The following RCN2 variants were observed in gnomAD, a reference collection of about 807,000 sequenced individuals.
RCN2 encodes the protein reticulocalbin 2, also known as reticulocalbin-2.
A neutral mutation model predicts 37.5 loss-of-function variants in RCN2; 23 were observed. That is an observed-to-expected ratio of 0.61 (90% CI 0.44 to 0.87). RCN2 has a LOEUF of 0.87. Among genes scored for constraint, RCN2 ranks in the 40% least tolerant of loss-of-function variants. RCN2 has a pLI of 0.00. For missense variants in RCN2, 381 were observed against 390.4 expected, an observed-to-expected ratio of 0.98 and a Z score of 0.20; for synonymous variants, 140 against 144.6, an observed-to-expected ratio of 0.97 and a Z score of 0.23.
At chr15:76,938,626 GCTTT>G (rs1234739850) in intron 3 of RCN2, 4 of 423,276 alleles carry the variant, frequency 9.5e-6, no homozygotes, top group Admixed American at 2.4e-5. Context: ...CTTGGTAAAT[GCTTT>G]CTAAGTGTGC....
Position 76,951,294 on chromosome 15 carries a change from G to A in RCN2, c.*2072G>A, listed in dbSNP as rs1596008822. ...TTAAACATGGGTGGAAGTAGTGTGT[G>A]TCACTATCAGACTATCTCATGACAA... is the stretch of plus-strand genomic sequence containing the variant. On this transcript the variant is annotated 3_prime_UTR_variant, in exon 7 of 7. Transcript: ENST00000394885. 6.6e-6 allele frequency: 1 copy of A among 152,232 alleles called. No individual in the cohort carries two copies. Among genetic ancestry groups the A allele is most frequent in the Non-Finnish European group, 1.5e-5 (1 of 68,054 alleles). The allele number at this position is 152,232 out of a possible 1,614,324, so 9.4% of individuals were successfully genotyped here.
At chr15:76,945,133 C>T (rs541561842) in intron 4 of RCN2, among the ~76,000 whole-genome samples, 3 of 152,258 alleles carry the variant, frequency 2.0e-5, no homozygotes, top group African/African-American at 2.4e-5. Context: ...CTTGTGGTGA[C>T]GAAGTTGCTT....
intron 6 of RCN2, 88 bp downstream of exon 6, chr15:76,948,640 C>A: frequency 1.5e-6 from 2 of 1,306,792 alleles, no homozygotes; most frequent in Non-Finnish European, 2.1e-6. Context: ...AATCTTAAGC[C>A]AAAGAAAGAA....
intron 3 of RCN2, chr15:76,941,866 T>C (rs1203422975): frequency 2.3e-6 from 1 of 426,600 alleles, no homozygotes; most frequent in African/African-American, 2.0e-5. Flanking sequence ...ACCTTTTTGC[T>C]CCAAAGTGAA....
chr15:76,952,306 T>C lies in RCN2; in HGVS notation c.*3084T>C, dbSNP rs1345458855. 6.6e-6 allele frequency: 1 copy of C among 152,194 alleles called. No homozygotes were observed. The highest frequency in any genetic ancestry group is 1.5e-5 in the Non-Finnish European group (1 of 68,032). 9.4% of individuals were successfully genotyped at this position (152,194 alleles called of 1,614,324 possible). On this transcript the variant is annotated 3_prime_UTR_variant, in exon 7 of 7. Transcript: ENST00000394885. ...AATGTATAATTACATATTCCCACCATTGTAGTGTGGTAGAATATTTCCCTT... is the reference window on the plus strand; with the variant it reads ...AATGTATAATTACATATTCCCACCACTGTAGTGTGGTAGAATATTTCCCTT...
At chr15:76,943,528 C>A in intron 3 of RCN2, 1 of 372,052 alleles carries the variant, frequency 2.7e-6, no homozygotes, top group Non-Finnish European at 4.9e-6. Flanking sequence ...GCGCTGACAC[C>A]ACAGCTAGTA....
chr15:76,948,988 T>C (rs1306735090), intron 6 of RCN2, 82 bp from the exon 7 acceptor site: 2 of 1,287,888 alleles, frequency 1.6e-6, no homozygotes, highest in African/African-American at 1.5e-5. Flanking sequence ...TGGATGATTT[T>C]GACAAGTCAA....
intron 4 of RCN2, among the ~76,000 whole-genome samples, chr15:76,945,893 T>A (rs1351629303): frequency 6.6e-6 from 1 of 152,194 alleles, no homozygotes; most frequent in Non-Finnish European, 1.5e-5. Flanking sequence ...CAGTGCTGGG[T>A]GTAATTTAAG....
At chr15:76,944,339 C>T (rs975826251) in intron 4 of RCN2, among the ~76,000 whole-genome samples, 3 of 152,056 alleles carry the variant, frequency 2.0e-5, no homozygotes, top group African/African-American at 7.2e-5. Flanking sequence ...AATGAGGTAT[C>T]CATCCCCTCG....
chr15:76,948,916 C>A (rs150395007), intron 6 of RCN2, 154 bp from the exon 7 acceptor site: 10 of 703,660 alleles, frequency 1.4e-5, no homozygotes, highest in Non-Finnish European at 1.9e-5. Flanking sequence ...AAGCAGTAGA[C>A]GGACCTGGTT....
In RCN2 at chr15:76,952,692, C is replaced by G. The variant is rs2075326938; in HGVS notation, c.*3470C>G. On this transcript the variant is annotated 3_prime_UTR_variant, in exon 7 of 7. Transcript: ENST00000394885. ...CTGGAGTGCAATGGCATGATTTCGG[C>G]TCACTGCAACCTCTGTCTCTTGGGG... The G allele has an allele frequency of 6.6e-6, 1 of 152,352 alleles. No individual in the cohort carries two copies. The highest frequency in any genetic ancestry group is 2.1e-4 in the South Asian group (1 of 4,832). 9.4% of individuals were successfully genotyped at this position (152,352 alleles called of 1,614,324 possible).
chr15:76,944,658 T>C (rs2075290341), intron 4 of RCN2, among the ~76,000 whole-genome samples: 2 of 152,236 alleles, frequency 1.3e-5, no homozygotes, highest in Non-Finnish European at 1.5e-5. Flanking sequence ...TCACTTAATA[T>C]GATCTCCAGT....
At chr15:76,940,566 T>TTTTTTTG (rs1189846714) in intron 3 of RCN2, among the ~76,000 whole-genome samples, 1 of 143,328 alleles carries the variant, frequency 7.0e-6, no homozygotes. Flanking sequence ...TTTTTTTTTT[T>TTTTTTTG]GAGAGGGAGT....
intron 4 of RCN2, among the ~76,000 whole-genome samples, chr15:76,945,441 A>G (rs1427734177): frequency 6.6e-6 from 1 of 152,180 alleles, no homozygotes; most frequent in Non-Finnish European, 1.5e-5. Context: ...TTTTAAGTAT[A>G]ATGAGTCCTC....
At chr15:76,936,177 TAAAAAA>T (rs550666333) in intron 3 of RCN2, among the ~76,000 whole-genome samples, 1 of 144,658 alleles carries the variant, frequency 6.9e-6, no homozygotes, top group South Asian at 2.2e-4. Flanking sequence ...AAGTAAGTAT[TAAAAAA>T]AAAAAAACTG....
Position 76,954,039 on chromosome 15 carries a change from G to GTTTTTTTTTTTTTTTTT in RCN2, c.*4830_*4831insTTTTTTTTTTTTTTTTT, listed in dbSNP as rs60194309. On this transcript the variant is annotated 3_prime_UTR_variant, in exon 7 of 7. Coordinates refer to ENST00000394885, the MANE Select transcript of RCN2 (RefSeq NM_002902.3). Reference sequence around the variant, plus strand: ...TCCTTACCAACACTTGCTATTTTCTGTTTTTTTTTTTTTCTTTTTTTTTTT... The same window carrying GTTTTTTTTTTTTTTTTT: ...TCCTTACCAACACTTGCTATTTTCTGTTTTTTTTTTTTTTTTTTTTTTTTTTTTTTCTTTTTTTTTTT... The GTTTTTTTTTTTTTTTTT allele has an allele frequency of 1.5e-5, 2 of 131,000 alleles. No individual in the cohort carries two copies. Among genetic ancestry groups the GTTTTTTTTTTTTTTTTT allele is most frequent in the South Asian group, 2.3e-4 (1 of 4,290 alleles). The allele number at this position is 131,000 out of a possible 1,614,324, so 8.1% of individuals were successfully genotyped here.
At chr15:76,948,701 C>A in intron 6 of RCN2, 149 bp downstream of exon 6, 2 of 699,132 alleles carry the variant, frequency 2.9e-6, no homozygotes, top group Non-Finnish European at 4.4e-6. Context: ...AATTTACGAA[C>A]TGTTTAGATT....
At chr15:76,948,668 G>A (rs2075306397) in intron 6 of RCN2, 116 bp downstream of exon 6, 1 of 985,608 alleles carries the variant, frequency 1.0e-6, no homozygotes, top group African/African-American at 1.6e-5. Flanking sequence ...AGTTATTTGG[G>A]ATTGATGCAT....
At chr15:76,935,850 C>G (rs1339540238) in intron 3 of RCN2, 128 bp downstream of exon 3, 2 of 622,634 alleles carry the variant, frequency 3.2e-6, no homozygotes, top group Admixed American at 3.5e-5. Flanking sequence ...ATCACCTGTT[C>G]CACTTCAGCA....
Sources: allele counts gnomAD v4.1 joint callset (sites outside exome capture counted in the v4.1 genomes callset), GRCh38; gene constraint gnomAD v4.1.1; transcripts MANE v1.5; gene names NCBI Gene and HGNC (gene_info 2026-07-23, HGNC 2026-07-21).